The following NRXN1 variants were observed in gnomAD, a reference collection of about 807,000 sequenced individuals.
NRXN1 encodes neurexin 1, also known as neurexin-1.
NRXN1 carries 39 observed loss-of-function variants against 150.9 expected under a neutral mutation model. The observed-to-expected ratio is 0.26, with a 90% confidence interval of 0.20 to 0.34. NRXN1 has a LOEUF of 0.34. Ranked by LOEUF, NRXN1 falls within the 10% of genes least tolerant of loss-of-function variation. NRXN1 has a pLI of 1.00. For synonymous variants in NRXN1, 924 were observed against 757.0 expected (o/e 1.22, Z -3.62); for missense variants, 1,815 against 1,949.9 (o/e 0.93, Z 1.30).
intron 21 of NRXN1, among the ~76,000 whole-genome samples, chr2:49,955,211 T>C (rs1004627080): frequency 6.6e-6 from 1 of 152,142 alleles, no homozygotes; most frequent in Admixed American, 6.6e-5. Flanking sequence ...AATTGCTCAT[T>C]TATACCAGCT....
In NRXN1 at chr2:50,915,221, T is replaced by C. The variant is rs140527711; in HGVS notation, c.832+6648A>G. 8.2e-3 allele frequency among the ~76,000 whole-genome samples: 1,242 copies of C among 151,740 alleles called. 13 individuals are homozygous for C. Among genetic ancestry groups the C allele is most frequent in the African/African-American group, 0.028 (1,176 of 41,482 alleles). On this transcript the variant is annotated intron_variant, in intron 5 of 22. Transcript: ENST00000401669. Reference sequence around the variant, plus strand: ...TTCCAATATAGACACCTCAGAAATATATCTACTTAGCTTTTCCTTGAAAAT... The same window carrying C: ...TTCCAATATAGACACCTCAGAAATACATCTACTTAGCTTTTCCTTGAAAAT...
chr2:50,649,251 TAC>T (rs200495160), intron 5 of NRXN1, among the ~76,000 whole-genome samples: 7 of 79,544 alleles, frequency 8.8e-5, no homozygotes, highest in African/African-American at 3.2e-4. Flanking sequence ...TATACACACA[TAC>T]ACACATACAC....
At chr2:50,223,394 C>G (rs1038639306) in intron 18 of NRXN1, among the ~76,000 whole-genome samples, 1 of 151,900 alleles carries the variant, frequency 6.6e-6, no homozygotes, top group Non-Finnish European at 1.5e-5. Context: ...TACAAATAAT[C>G]AAATAACCAT....
chr2:50,446,180 C>T (rs1352572806), intron 17 of NRXN1, among the ~76,000 whole-genome samples: 1 of 151,552 alleles, frequency 6.6e-6, no homozygotes, highest in East Asian at 1.9e-4. Context: ...TTGCAGAAAA[C>T]CGTATCAAAA....
chr2:50,707,184 T>C (rs1694557426), intron 5 of NRXN1, among the ~76,000 whole-genome samples: 1 of 152,180 alleles, frequency 6.6e-6, no homozygotes, highest in South Asian at 2.1e-4. Context: ...TGGAAGAAAT[T>C]GCATTTCCCA....
intron 9 of NRXN1, among the ~76,000 whole-genome samples, chr2:50,539,967 A>C (rs184174054): frequency 5.3e-5 from 8 of 152,254 alleles, no homozygotes; most frequent in Admixed American, 4.6e-4. Context: ...CTAACTAAGG[A>C]TGTAAGGCTG....
chr2:50,549,262 T>A (rs1006295860), intron 9 of NRXN1, among the ~76,000 whole-genome samples: 11 of 152,104 alleles, frequency 7.2e-5, no homozygotes, highest in Non-Finnish European at 1.5e-4. Context: ...ACCAAACCAA[T>A]GCAGTGTGCA....
intron 21 of NRXN1, among the ~76,000 whole-genome samples, chr2:50,009,834 A>G (rs555948895): frequency 6.6e-6 from 1 of 152,272 alleles, no homozygotes; most frequent in East Asian, 1.9e-4. Context: ...TTCTGCACAG[A>G]AAATTATAAT....
At chr2:50,148,386 G>A (rs1179129927) in intron 18 of NRXN1, among the ~76,000 whole-genome samples, 2 of 151,354 alleles carry the variant, frequency 1.3e-5, no homozygotes, top group South Asian at 4.2e-4. Flanking sequence ...TTTTACTCAA[G>A]CAGAGCACTT....
At chr2:50,497,294 A>G in intron 14 of NRXN1, 39 bp downstream of exon 14, 1 of 1,419,374 alleles carries the variant, frequency 7.0e-7, no homozygotes, top group Non-Finnish European at 9.2e-7. Context: ...CATTTTTCCA[A>G]AGTTTTATTT....
intron 5 of NRXN1, among the ~76,000 whole-genome samples, chr2:50,677,523 T>C (rs1379630331): frequency 6.6e-6 from 1 of 152,176 alleles, no homozygotes; most frequent in Non-Finnish European, 1.5e-5. Flanking sequence ...CTAAATTTAC[T>C]GGCCTAATTC....
chr2:50,218,029 A>G (rs1197014954), intron 18 of NRXN1, among the ~76,000 whole-genome samples: 1 of 151,974 alleles, frequency 6.6e-6, no homozygotes, highest in Non-Finnish European at 1.5e-5. Context: ...CCTCTCCCAT[A>G]CATACCTGAA....
intron 8 of NRXN1, among the ~76,000 whole-genome samples, chr2:50,578,410 T>A (rs1325303456): frequency 6.6e-6 from 1 of 152,142 alleles, no homozygotes. Context: ...TTTTAAAAAA[T>A]TTGTTTTGAG....
chr2:50,534,757 T>C (rs2093210738), intron 10 of NRXN1, among the ~76,000 whole-genome samples: 1 of 152,172 alleles, frequency 6.6e-6, no homozygotes, highest in Non-Finnish European at 1.5e-5. Context: ...TTAATCTCTA[T>C]AACTAGGCTC....
Position 50,935,955 on chromosome 2 carries a change from T to C in NRXN1, c.773-10000A>G, listed in dbSNP as rs1688484690. ...ATGCTGGCCTGCTCCAAAGATTAAA[T>C]ATCTTTAATGATTATAGAAAACTGA... is the stretch of plus-strand genomic sequence containing the variant. On this transcript the variant is annotated intron_variant, in intron 2 of 22. Coordinates refer to ENST00000401669, the MANE Select transcript of NRXN1 (RefSeq NM_001330078.2). Among the ~76,000 whole-genome samples the C allele has an allele frequency of 2.6e-5, 4 of 152,164 alleles. No individual in the cohort carries two copies. The South Asian group carries it at 6.2e-4, about 24-fold the overall frequency.
At chr2:50,893,668 T>C (rs1272664731) in intron 5 of NRXN1, among the ~76,000 whole-genome samples, 2 of 152,218 alleles carry the variant, frequency 1.3e-5, no homozygotes, top group East Asian at 1.9e-4. Flanking sequence ...ATTATAATTA[T>C]AGTAATGTAC....
intron 17 of NRXN1, among the ~76,000 whole-genome samples, chr2:50,369,538 A>G (rs749087167): frequency 3.3e-5 from 5 of 152,052 alleles, no homozygotes; most frequent in African/African-American, 1.2e-4. Flanking sequence ...CTTGTCTTCT[A>G]TATTCTGGTA....
At chr2:50,920,903 G>C (rs1685936749) in intron 5 of NRXN1, among the ~76,000 whole-genome samples, 1 of 151,386 alleles carries the variant, frequency 6.6e-6, no homozygotes, top group African/African-American at 2.4e-5. Flanking sequence ...ATATTGCCTG[G>C]CTCATGTTCA....
intron 2 of NRXN1, among the ~76,000 whole-genome samples, chr2:50,954,908 A>G (rs1692023039): frequency 6.6e-6 from 1 of 152,112 alleles, no homozygotes; most frequent in African/African-American, 2.4e-5. Context: ...ACCTGGAGAG[A>G]TTGGTGTACA....
Sources: allele counts gnomAD v4.1 joint callset (sites outside exome capture counted in the v4.1 genomes callset), GRCh38; gene constraint gnomAD v4.1.1; transcripts MANE v1.5; gene names NCBI Gene and HGNC (gene_info 2026-07-23, HGNC 2026-07-21).